ADAR: variants seen among roughly 807,000 people sequenced by gnomAD.
ADAR encodes adenosine deaminase RNA specific, also known as double-stranded RNA-specific adenosine deaminase.
In ADAR, 41 loss-of-function variants were observed where a neutral mutation model predicts 113.2. The observed-to-expected ratio is 0.36, with a 90% CI of 0.28 to 0.47. The LOEUF (loss-of-function observed/expected upper bound fraction) is 0.47, where lower values mean the gene tolerates loss of function less well. ADAR is among the 20% of genes least tolerant of loss of function. The probability of loss-of-function intolerance (pLI) is 1.00; values close to 1 mark genes in which losing one functional copy is unlikely to be tolerated. For synonymous variants in ADAR, 605 were observed against 572.6 expected, an observed-to-expected ratio of 1.06 and a Z score of -0.81; for missense variants, 1,242 against 1,540.9, an observed-to-expected ratio of 0.81 and a Z score of 3.25.
chr1:154,599,380 T>C lies in ADAR; in HGVS notation c.1602-795A>G, dbSNP rs113406590. Among the ~76,000 whole-genome samples, 9 of 152,322 alleles carry C rather than the reference T, an allele frequency of 5.9e-5. 2 individuals carry two copies. Among genetic ancestry groups the C allele is most frequent in the African/African-American group, 2.2e-4 (9 of 41,582 alleles). ...TTTCTTTTAGTGTGAGTCCAAAGAA[T>C]GACTAACCACAAAATCCACTGCTTT... On this transcript the variant is annotated intron_variant, in intron 2 of 14. Coordinates refer to ENST00000368474, the MANE Select transcript of ADAR (RefSeq NM_001111.5).
At chr1:154,590,703 G>C (rs1186002750) in intron 6 of ADAR, among the ~76,000 whole-genome samples, 1 of 151,954 alleles carries the variant, frequency 6.6e-6, no homozygotes, top group African/African-American at 2.4e-5. Flanking sequence ...AGCTAAGGTG[G>C]GAGATCACTT....
upstream of ADAR, among the ~76,000 whole-genome samples, chr1:154,612,807 T>G (rs1007984576): frequency 5.3e-5 from 8 of 151,622 alleles, no homozygotes; most frequent in African/African-American, 1.9e-4. Context: ...CAACATTAAT[T>G]TTCTTTCTTT....
At chr1:154,613,522 T>C (rs1233648533) in intron 1 of ADAR, among the ~76,000 whole-genome samples, 1 of 151,912 alleles carries the variant, frequency 6.6e-6, no homozygotes, top group East Asian at 1.9e-4. Flanking sequence ...TGATCTCAGG[T>C]GATCCGCCTG....
At chr1:154,611,409 T>G (rs1698484012), upstream of ADAR, among the ~76,000 whole-genome samples, 1 of 151,980 alleles carries the variant, frequency 6.6e-6, no homozygotes, top group Non-Finnish European at 1.5e-5. Context: ...AAACGTTTCA[T>G]CTCCTCCCCC....
At chr1:154,604,643 G>A (rs1173915339) in intron 1 of ADAR, among the ~76,000 whole-genome samples, 1 of 152,186 alleles carries the variant, frequency 6.6e-6, no homozygotes, top group Non-Finnish European at 1.5e-5. Context: ...TGGTGACACA[G>A]CAAAGGTCTT....
Position 154,613,891 on chromosome 1 carries a change from C to T in ADAR, c.-870-11265G>A, listed in dbSNP as rs192792975. On this transcript the variant is annotated intron_variant, in intron 1 of 14. Coordinates refer to the ADAR transcript ENST00000368471. ...TGCACTCCACCCTGAGCAACAAGAG[C>T]GAAACTCCATCTCAAAAAAAAAAAA... is the stretch of plus-strand genomic sequence containing the variant. Among the ~76,000 whole-genome samples the T allele has an allele frequency of 9.7e-3, 1,214 of 124,724 alleles. 20 individuals carry two copies. Among genetic ancestry groups the T allele is most frequent in the African/African-American group, 0.033 (1,150 of 35,208 alleles). 81.8% of individuals were successfully genotyped at this position (124,724 alleles called of 152,430 possible).
At position 154,605,059 on chromosome 1, in the gene ADAR, C is replaced by T. The variant is rs1257439109; in HGVS notation, c.16-2433G>A. ...CTAGCCTATTAAGGCTAGAAACCTG[C>T]GTCATCTTTGCTGCCCGCCTCCTGG... On this transcript the variant is annotated intron_variant, in intron 1 of 14. Transcript: ENST00000368474. Among the ~76,000 whole-genome samples, 6 of 152,236 alleles carry T rather than the reference C, an allele frequency of 3.9e-5. No individual in the cohort carries two copies. In the East Asian group the frequency reaches 1.2e-3, roughly 29 times the overall value.
At chr1:154,610,824 G>GAAAAAAAAAAAA (rs1298389364), upstream of ADAR, among the ~76,000 whole-genome samples, 3 of 65,204 alleles carry the variant, frequency 4.6e-5, no homozygotes, top group African/African-American at 6.6e-5. Context: ...AAAAAAAAAA[G>GAAAAAAAAAAAA]AAAAAAAAAA....
In ADAR at chr1:154,586,195, T is replaced by C; in HGVS notation, c.3188A>G (p.Lys1063Arg). The change falls in exon 12 of 15, where the codon AAA becomes AGA. Residue 1063 changes from lysine to arginine, a missense_variant. By Grantham distance (26) the Lys-to-Arg change is conservative. Coordinates refer to ENST00000368474, the MANE Select transcript of ADAR (RefSeq NM_001111.5). The part of the protein sequence containing the change: ...LTHFLQPIYL[K>R]SVTLGYLFSQ... ...AGGCCCCTTACCCAATGTGACAGAT[T>C]TGAGATAAATGGGCTGCAGGAAGTG... 1 of 1,614,088 alleles carries C rather than the reference T, an allele frequency of 6.2e-7. No homozygotes were observed. Among genetic ancestry groups the C allele is most frequent in the Non-Finnish European group, 8.5e-7 (1 of 1,180,016 alleles).
chr1:154,589,462 C>T lies in ADAR; in HGVS notation c.2669G>A (p.Gly890Glu). 1 of 1,610,180 alleles carries T rather than the reference C, an allele frequency of 6.2e-7. No homozygotes were observed. Among genetic ancestry groups the T allele is most frequent in the Non-Finnish European group, 8.5e-7 (1 of 1,176,538 alleles). Residue 890 changes from glycine (G) to glutamate (E), a missense_variant and splice_region_variant, in exon 9 of 15, where the codon GGG (glycine) becomes GAG (glutamate). Gly to Glu is a moderately conservative substitution (Grantham distance 98). Around this residue, in one of 2 missense-constraint regions of ADAR, gnomAD observed 780 missense variants for 1,057.9 expected, o/e 0.74. Transcript: ENST00000368474. The part of the protein sequence containing the change: ...DMGVVVSLGT[G>E]NRCVKGDSLS... The stretch of plus-strand genomic sequence containing the variant: ...AGAATCTCCTTTCACACAGCGATTC[C>T]CTAGGAAGGTGTTTAAAACAGAAAT...
At chr1:154,592,183 C>T (rs1697191984) in intron 6 of ADAR, among the ~76,000 whole-genome samples, 2 of 152,192 alleles carry the variant, frequency 1.3e-5, no homozygotes, top group African/African-American at 2.4e-5. Flanking sequence ...TCTCCCACCA[C>T]AGGATTTAAC....
intron 1 of ADAR, among the ~76,000 whole-genome samples, chr1:154,615,007 T>C (rs2101688076): frequency 6.6e-6 from 1 of 152,316 alleles, no homozygotes; most frequent in Middle Eastern, 3.4e-3. Flanking sequence ...GATTCGAAGA[T>C]GCTAGCCTTG....
In ADAR at chr1:154,583,245, T is replaced by G. The variant is rs2101547775; in HGVS notation, c.*1561A>C. The G allele has an allele frequency of 6.6e-6, 1 of 152,394 alleles. No individual in the cohort carries two copies. The highest frequency in any genetic ancestry group is 2.4e-5 in the African/African-American group (1 of 41,584). The allele number at this position is 152,394 out of a possible 1,614,324, so 9.4% of individuals were successfully genotyped here. A position where few individuals can be genotyped will look rare whatever the true frequency, so the allele number is the denominator to read the frequency against. On this transcript the variant is annotated 3_prime_UTR_variant, in exon 15 of 15. Transcript: ENST00000368474. ...ACACGTAAAAGCAGCATCACAAAAC[T>G]GGACTGCAGCCATCACCACGGCACC... is the stretch of plus-strand genomic sequence containing the variant.
chr1:154,591,146 T>C, intron 6 of ADAR, among the ~76,000 whole-genome samples: 1 of 152,252 alleles, frequency 6.6e-6, no homozygotes, highest in Non-Finnish European at 1.5e-5. Flanking sequence ...AAATTCTGAC[T>C]AGATACTGTT....
chr1:154,606,696 C>T (rs1394984036), intron 1 of ADAR, among the ~76,000 whole-genome samples: 2 of 152,110 alleles, frequency 1.3e-5, no homozygotes, highest in African/African-American at 4.8e-5. Context: ...GAGCAAGCAA[C>T]CCACAGTGAT....
chr1:154,601,367 G>A lies in ADAR; in HGVS notation c.1275C>T (p.Ala425=). Residue 425 remains alanine (A), a synonymous_variant, in exon 2 of 15, where the codon GCC becomes GCT. Transcript: ENST00000368474. The surrounding 1 kb of genome is among the most constrained non-coding windows in gnomAD (Gnocchi z 4.7). ...GTTTCAGTCTTGCTGGTTCTGGTCT[G>A]GCCTCTTGCCTGTTTTCTAACTTTA... is the stretch of plus-strand genomic sequence containing the variant. The part of the protein sequence containing the change: ...PVIKLENRQE[A]RPEPARLKPP... The A allele has an allele frequency of 6.2e-7, 1 of 1,614,192 alleles. No homozygotes were observed. Among genetic ancestry groups the A allele is most frequent in the Non-Finnish European group, 8.5e-7 (1 of 1,180,044 alleles).
At chr1:154,588,772 C>T in intron 9 of ADAR, 99 bp from the exon 10 acceptor site, 1 of 1,523,036 alleles carries the variant, frequency 6.6e-7, no homozygotes, top group Non-Finnish European at 9.1e-7. Flanking sequence ...GGAAAAGTCT[C>T]AATGTTGCAG....
intron 1 of ADAR, among the ~76,000 whole-genome samples, chr1:154,625,727 A>T (rs1350522182): frequency 6.6e-6 from 1 of 151,138 alleles, no homozygotes; most frequent in African/African-American, 2.4e-5. Context: ...GGCATAGGCC[A>T]GGCACGGTGG....
chr1:154,596,382 A>G (rs1237395249), intron 6 of ADAR, among the ~76,000 whole-genome samples: 2 of 152,096 alleles, frequency 1.3e-5, no homozygotes, highest in African/African-American at 4.8e-5. Flanking sequence ...CTGGGATTAC[A>G]GGCACCCGCT....
Sources: allele counts gnomAD v4.1 joint callset (sites outside exome capture counted in the v4.1 genomes callset), GRCh38; gene constraint gnomAD v4.1.1; regional missense constraint gnomAD v4.1.1; non-coding constraint Gnocchi (gnomAD v3.1); transcripts MANE v1.5; gene names NCBI Gene and HGNC (gene_info 2026-07-23, HGNC 2026-07-21).